Variants in ZNF676 observed in about 807,000 individuals in gnomAD.
The protein encoded by ZNF676 is zinc finger protein 676.
A neutral mutation model predicts 6.0 loss-of-function variants in ZNF676; 4 were observed. That is an observed-to-expected ratio of 0.67 (90% CI 0.33 to 1.53). The LOEUF (loss-of-function observed/expected upper bound fraction) is 1.53. Ranked by LOEUF, ZNF676 falls within the 40% of genes most tolerant of loss-of-function variation. ZNF676 has a pLI of 0.06. For missense variants in ZNF676, 644 were observed against 679.7 expected, an observed-to-expected ratio of 0.95 and a Z score of 0.58; for synonymous variants, 198 against 223.1, an observed-to-expected ratio of 0.89 and a Z score of 1.00.
chr19:22,249,886 A>C, the ZNF676 span, among the ~76,000 whole-genome samples: 3 of 151,958 alleles, frequency 2.0e-5, no homozygotes, highest in Non-Finnish European at 4.4e-5. Context: ...ATAAGATTTT[A>C]TTAAAAACTT....
the ZNF676 span, among the ~76,000 whole-genome samples, chr19:22,222,064 T>C: frequency 6.6e-6 from 1 of 152,054 alleles, no homozygotes. Flanking sequence ...AACAAGAAAA[T>C]TTATACTTCT....
Position 22,179,881 on chromosome 19 carries a change from C to A in ZNF676, c.*69G>T. ...TTCTTCACCTTTGTAGATTTTCTCTCCAGTATGAATTTTCTTATGTTTACT... is the reference window on the plus strand; with the variant it reads ...TTCTTCACCTTTGTAGATTTTCTCTACAGTATGAATTTTCTTATGTTTACT... On this transcript the variant is annotated 3_prime_UTR_variant, in exon 3 of 3. Coordinates refer to ENST00000397121, the MANE Select transcript of ZNF676 (RefSeq NM_001001411.3). The A allele has an allele frequency of 1.2e-5, 18 of 1,514,896 alleles. No homozygotes were observed. Among genetic ancestry groups the A allele is most frequent in the Non-Finnish European group, 1.6e-5 (18 of 1,098,908 alleles). The allele number at this position is 1,514,896 out of a possible 1,614,324, so 93.8% of individuals were successfully genotyped here.
upstream of ZNF676, among the ~76,000 whole-genome samples, chr19:22,216,899 C>A (rs1688078100): frequency 6.7e-6 from 1 of 148,718 alleles, no homozygotes; most frequent in Admixed American, 6.7e-5. Context: ...CAAGCCACTG[C>A]ACTCCATTCT....
At chr19:22,247,704 G>A in the ZNF676 span, among the ~76,000 whole-genome samples, 3 of 152,182 alleles carry the variant, frequency 2.0e-5, no homozygotes, top group Non-Finnish European at 4.4e-5. Flanking sequence ...AGAATGTCTT[G>A]AACCTGGGAG....
the ZNF676 span, among the ~76,000 whole-genome samples, chr19:22,237,565 G>A: frequency 6.6e-6 from 1 of 152,112 alleles, no homozygotes; most frequent in Non-Finnish European, 1.5e-5. Flanking sequence ...AGCAAACAGG[G>A]GTGTTGAGGG....
chr19:22,255,430 C>T, the ZNF676 span, among the ~76,000 whole-genome samples: 1 of 152,178 alleles, frequency 6.6e-6, no homozygotes, highest in African/African-American at 2.4e-5. Context: ...TTGAGATTTT[C>T]ATGCTGGTAT....
rs1228679762 is a variant in ZNF676 at position 22,196,655 on chromosome 19, CT to C, written c.-23del. 2.5e-6 allele frequency: 4 copies of C among 1,613,586 alleles called. No individual in the cohort carries two copies. Among genetic ancestry groups the C allele is most frequent in the Non-Finnish European group, 3.4e-6 (4 of 1,179,688 alleles). On this transcript the variant is annotated 5_prime_UTR_variant, in exon 1 of 3. It removes the in-frame stop codon of an upstream open reading frame in the 5' UTR. Coordinates refer to ENST00000397121, the MANE Select transcript of ZNF676 (RefSeq NM_001001411.3). ...ACATCACATTCCTATATAAATTCTG[CT>C]GTGTAGAATCCAGGCATTGCCACTC...
At chr19:22,249,331 G>T in the ZNF676 span, among the ~76,000 whole-genome samples, 7 of 152,118 alleles carry the variant, frequency 4.6e-5, no homozygotes, top group Admixed American at 4.6e-4. Context: ...TGGAAGGTTT[G>T]TAAAAATTAA....
At chr19:22,216,864 G>C (rs1287873761), upstream of ZNF676, among the ~76,000 whole-genome samples, 1 of 151,434 alleles carries the variant, frequency 6.6e-6, no homozygotes, top group Non-Finnish European at 1.5e-5. Flanking sequence ...GAGCCCAGGA[G>C]GTTGTGGCTG....
upstream of ZNF676, among the ~76,000 whole-genome samples, chr19:22,200,070 T>C (rs185524255): frequency 4.4e-4 from 67 of 152,258 alleles, no homozygotes; most frequent in Middle Eastern, 6.8e-3. Flanking sequence ...GGGCAGAGTG[T>C]AGAGCCAATG....
chr19:22,196,774 G>A lies in ZNF676; in HGVS notation c.-141C>T. 1.1e-5 allele frequency: 16 copies of A among 1,511,502 alleles called. 1 individual carries two copies. The South Asian group carries it at 1.9e-4, about 18-fold the overall frequency. The allele number at this position is 1,511,502 out of a possible 1,614,324, so 93.6% of individuals were successfully genotyped here. ...TATATTTACCAATTGGTCATGGGCAGAACTTTTAATGTGACTCAAGGTAAA... is the reference window on the plus strand; with the variant it reads ...TATATTTACCAATTGGTCATGGGCAAAACTTTTAATGTGACTCAAGGTAAA... On this transcript the variant is annotated 5_prime_UTR_variant, in exon 1 of 3. Coordinates refer to ENST00000397121, the MANE Select transcript of ZNF676 (RefSeq NM_001001411.3).
the ZNF676 span, among the ~76,000 whole-genome samples, chr19:22,253,338 G>A: frequency 7.4e-6 from 1 of 134,956 alleles, no homozygotes; most frequent in African/African-American, 2.7e-5. Context: ...TGAGGGATAT[G>A]TATATATGAT....
chr19:22,202,308 A>T (rs1461494408), intron 1 of ZNF676, among the ~76,000 whole-genome samples: 4 of 152,094 alleles, frequency 2.6e-5, no homozygotes, highest in Non-Finnish European at 5.9e-5. Context: ...TTAATATCTG[A>T]CCTATAAAGT....
the ZNF676 span, among the ~76,000 whole-genome samples, chr19:22,258,042 A>G: frequency 2.0e-5 from 3 of 152,178 alleles, no homozygotes; most frequent in African/African-American, 4.8e-5. Context: ...TCAGCCATCA[A>G]CCATGTGATG....
the ZNF676 span, among the ~76,000 whole-genome samples, chr19:22,237,309 A>G: frequency 3.9e-5 from 6 of 152,214 alleles, no homozygotes; most frequent in African/African-American, 1.4e-4. Context: ...AAGCTGCAAC[A>G]TTAAATGCAG....
intron 2 of ZNF676, among the ~76,000 whole-genome samples, chr19:22,182,945 C>T (rs1323588989): frequency 6.6e-6 from 1 of 152,040 alleles, no homozygotes; most frequent in African/African-American, 2.4e-5. Context: ...TTATTATAAA[C>T]ATCTGTTAAT....
chr19:22,247,511 C>A, the ZNF676 span, among the ~76,000 whole-genome samples: 1 of 151,884 alleles, frequency 6.6e-6, no homozygotes, highest in African/African-American at 2.4e-5. Context: ...TAGCGGTAAG[C>A]CAAGATCGTA....
the ZNF676 span, among the ~76,000 whole-genome samples, chr19:22,253,119 G>A: frequency 6.6e-6 from 1 of 152,002 alleles, no homozygotes; most frequent in South Asian, 2.1e-4. Flanking sequence ...CTGGATCTTG[G>A]TCTTAGTGTC....
At chr19:22,230,000 A>T in the ZNF676 span, among the ~76,000 whole-genome samples, 1 of 152,210 alleles carries the variant, frequency 6.6e-6, no homozygotes, top group Non-Finnish European at 1.5e-5. Flanking sequence ...ATTACTGGGT[A>T]TATACCCGAA....
Sources: gnomAD v4.1 joint callset for allele counts (sites outside exome capture counted in the v4.1 genomes callset) on GRCh38, gnomAD v4.1.1 for gene constraint, MANE v1.5 for transcripts, NCBI Gene and HGNC (gene_info 2026-07-23, HGNC 2026-07-21) for gene names.